The following RBFOX1 variants were observed in gnomAD, a reference collection of about 807,000 sequenced individuals.
RBFOX1 encodes the protein RNA binding fox-1 homolog 1.
RBFOX1 carries 8 observed loss-of-function variants against 57.7 expected under a neutral mutation model. The ratio of observed to expected loss-of-function variants is 0.14; its 90% confidence interval spans 0.08 to 0.25. RBFOX1 has a LOEUF of 0.25. Ranked by LOEUF, RBFOX1 falls within the 10% of genes least tolerant of loss-of-function variation. The probability of loss-of-function intolerance (pLI) is 1.00; values close to 1 mark genes in which losing one functional copy is unlikely to be tolerated. For synonymous variants in RBFOX1, 326 were observed against 222.4 expected (o/e 1.47, Z -4.15); for missense variants, 611 against 548.5 (o/e 1.11, Z -1.14).
chr16:6,833,738 C>T (rs1425453751), intron 3 of RBFOX1, among the ~76,000 whole-genome samples: 2 of 152,084 alleles, frequency 1.3e-5, no homozygotes, highest in Non-Finnish European at 2.9e-5. Flanking sequence ...AATATTAAAA[C>T]AAAAAGAATT....
At chr16:6,349,246 T>G (rs1185784533) in intron 2 of RBFOX1, among the ~76,000 whole-genome samples, 1 of 152,144 alleles carries the variant, frequency 6.6e-6, no homozygotes, top group Non-Finnish European at 1.5e-5. Flanking sequence ...GATAAAACTT[T>G]CTGTTATCCC....
intron 3 of RBFOX1, among the ~76,000 whole-genome samples, chr16:5,674,097 G>A (rs982961299): frequency 2.6e-5 from 4 of 152,188 alleles, no homozygotes; most frequent in Non-Finnish European, 5.9e-5. Flanking sequence ...GTTCTAGGAG[G>A]TGATTCTACA....
At chr16:5,998,191 G>A (rs2060523040) in intron 4 of RBFOX1, among the ~76,000 whole-genome samples, 1 of 152,070 alleles carries the variant, frequency 6.6e-6, no homozygotes, top group African/African-American at 2.4e-5. Context: ...GTTTTGTTCT[G>A]GGGAAAATTC....
At chr16:6,904,626 AAAGAAG>A (rs1489770193) in intron 3 of RBFOX1, among the ~76,000 whole-genome samples, 5 of 149,570 alleles carry the variant, frequency 3.3e-5, no homozygotes, top group South Asian at 2.1e-4. Context: ...AAAAAAAAAA[AAAGAAG>A]AAGAAGAAAG....
chr16:7,398,285 G>T (rs74012550), intron 4 of RBFOX1, among the ~76,000 whole-genome samples: 12,269 of 152,142 alleles, frequency 0.081, 541 homozygotes, highest in East Asian at 0.2. Context: ...TTCCCTCTGG[G>T]TGACACTTAC....
chr16:6,548,395 T>C (rs2096924735), intron 2 of RBFOX1, among the ~76,000 whole-genome samples: 1 of 152,086 alleles, frequency 6.6e-6, no homozygotes, highest in Non-Finnish European at 1.5e-5. Flanking sequence ...GTATGTAGTG[T>C]CTCTTTGGGC....
At chr16:5,491,735 C>T (rs974338882) in intron 2 of RBFOX1, among the ~76,000 whole-genome samples, 7 of 152,210 alleles carry the variant, frequency 4.6e-5, no homozygotes, top group African/African-American at 1.7e-4. Context: ...TTCTGTGGGC[C>T]AAGCCAGTGC....
intron 4 of RBFOX1, among the ~76,000 whole-genome samples, chr16:7,060,362 A>G (rs1430008319): frequency 6.6e-6 from 1 of 152,222 alleles, no homozygotes; most frequent in Non-Finnish European, 1.5e-5. Flanking sequence ...GATTTTTATC[A>G]ACAGAGAAAT....
At chr16:6,763,967 G>C (rs140102351) in intron 3 of RBFOX1, among the ~76,000 whole-genome samples, 1 of 152,162 alleles carries the variant, frequency 6.6e-6, no homozygotes, top group Non-Finnish European at 1.5e-5. Context: ...AGTTGAATCT[G>C]CAAGTTTCTT....
At chr16:6,711,698 G>T (rs890132507) in intron 3 of RBFOX1, among the ~76,000 whole-genome samples, 1 of 152,068 alleles carries the variant, frequency 6.6e-6, no homozygotes, top group African/African-American at 2.4e-5. Flanking sequence ...TAAGTCTCAG[G>T]TATGTCTCTG....
chr16:7,140,504 C>G (rs1259913580), intron 4 of RBFOX1, among the ~76,000 whole-genome samples: 1 of 151,984 alleles, frequency 6.6e-6, no homozygotes, highest in South Asian at 2.1e-4. Flanking sequence ...TACCCAGGAC[C>G]TAGCATATAG....
intron 4 of RBFOX1, among the ~76,000 whole-genome samples, chr16:7,501,904 C>G (rs988669606): frequency 6.6e-6 from 1 of 152,160 alleles, no homozygotes; most frequent in African/African-American, 2.4e-5. Context: ...CTATGTCTAC[C>G]TTATTCACCA....
At chr16:6,108,548 A>G (rs963714443) in intron 1 of RBFOX1, among the ~76,000 whole-genome samples, 3 of 152,198 alleles carry the variant, frequency 2.0e-5, no homozygotes, top group Non-Finnish European at 4.4e-5. Flanking sequence ...TGGATTAGGA[A>G]GCAGACACTC....
intron 1 of RBFOX1, among the ~76,000 whole-genome samples, chr16:6,148,048 A>G (rs1276547112): frequency 6.6e-6 from 1 of 152,116 alleles, no homozygotes; most frequent in Non-Finnish European, 1.5e-5. Context: ...GGCAGTGTAG[A>G]CTGGGCACGG....
chr16:7,306,762 G>C (rs182950762), intron 4 of RBFOX1, among the ~76,000 whole-genome samples: 5 of 152,116 alleles, frequency 3.3e-5, no homozygotes, highest in African/African-American at 1.2e-4. Flanking sequence ...CATTACTGTC[G>C]TGATAGTTCG....
intron 1 of RBFOX1, among the ~76,000 whole-genome samples, chr16:5,341,180 A>G (rs1018690044): frequency 2.0e-5 from 3 of 152,134 alleles, no homozygotes; most frequent in Non-Finnish European, 2.9e-5. Context: ...AGGAGGCTGG[A>G]GAGGGTAGCA....
chr16:6,391,993 G>T (rs913875995), intron 2 of RBFOX1, among the ~76,000 whole-genome samples: 1 of 152,190 alleles, frequency 6.6e-6, no homozygotes, highest in African/African-American at 2.4e-5. Flanking sequence ...TGAAGAATAA[G>T]TAGGATTTTT....
rs529990303 is a variant in RBFOX1, at chr16:5,632,030, A to C, written c.318+33069A>C. On this transcript the variant is annotated intron_variant, in intron 3 of 19. Coordinates refer to the RBFOX1 transcript ENST00000641259. Reference sequence around the variant, plus strand: ...ATCTCACAGGAGGATTGGATGTCTGAGCTTTCTTTTCCAGTCCTACTTAAG... The same window carrying C: ...ATCTCACAGGAGGATTGGATGTCTGCGCTTTCTTTTCCAGTCCTACTTAAG... Among the ~76,000 whole-genome samples the C allele has an allele frequency of 2.6e-5, 4 of 152,266 alleles. No homozygotes were observed. In the East Asian group the frequency reaches 7.7e-4, roughly 29 times the overall value.
Position 6,621,036 on chromosome 16 carries a change from CTT to C in RBFOX1, c.-63-33564_-63-33563del, listed in dbSNP as rs1436320658. ...GAAGGAGAATCTGATCCTTGCATCT[CTT>C]TTAGCTCCAGGGGACTGCCAGCAAT... On this transcript the variant is annotated intron_variant, in intron 2 of 15. Coordinates refer to ENST00000550418, the MANE Select transcript of RBFOX1 (RefSeq NM_018723.4). 2.1e-4 allele frequency among the ~76,000 whole-genome samples: 32 copies of C among 152,328 alleles called. No individual in the cohort carries two copies. In the East Asian group the frequency reaches 6.2e-3, roughly 29 times the overall value.
Sources: allele counts gnomAD v4.1 joint callset (sites outside exome capture counted in the v4.1 genomes callset), GRCh38; gene constraint gnomAD v4.1.1; transcripts MANE v1.5; gene names NCBI Gene and HGNC (gene_info 2026-07-23, HGNC 2026-07-21).